MYD88: variants seen among roughly 807,000 people sequenced by gnomAD.
The protein encoded by MYD88 is myeloid differentiation primary response protein MyD88.
A neutral mutation model predicts 31.1 loss-of-function variants in MYD88; 15 were observed. The observed-to-expected ratio is 0.48, with a 90% confidence interval of 0.32 to 0.74. MYD88 has a LOEUF of 0.74. MYD88 is among the 30% of genes least tolerant of loss of function. The probability of loss-of-function intolerance (pLI) is 0.03; values close to 1 mark genes in which losing one functional copy is unlikely to be tolerated. For missense variants in MYD88, 308 were observed against 387.4 expected, an observed-to-expected ratio of 0.79 and a Z score of 1.72; for synonymous variants, 157 against 158.8, an observed-to-expected ratio of 0.99 and a Z score of 0.08.
chr3:38,140,561 GAA>G lies in MYD88; in HGVS notation c.640_641del (p.Lys214GlufsTer11), dbSNP rs747962363. 1 of 1,614,196 alleles carries G rather than the reference GAA, an allele frequency of 6.2e-7. No homozygotes were observed. The highest frequency in any genetic ancestry group is 1.1e-5 in the South Asian group (1 of 91,080). On this transcript the variant is annotated frameshift_variant, in exon 3 of 5. Transcript: ENST00000650905. LOFTEE classifies it high-confidence loss of function. ...CVWSIASELI[E>X]KRCRRMVVVV... ...CTGGTCTATTGCTAGTGAGCTCATC[GAA>G]AAGAGGTTGGCTAGAAGGCCACGGG... is the stretch of plus-strand genomic sequence containing the variant.
In MYD88 at chr3:38,138,847, G is replaced by A. The variant is rs555917864; in HGVS notation, c.147G>A (p.Ala49=). 9.9e-6 allele frequency: 16 copies of A among 1,613,706 alleles called. No homozygotes were observed. Among genetic ancestry groups the A allele is most frequent in the Non-Finnish European group, 1.4e-5 (16 of 1,180,032 alleles). The change falls in exon 1 of 5, where the codon GCG becomes GCA. Residue 49 remains alanine, a synonymous_variant. Transcript: ENST00000650905. The surrounding 1 kb of genome is among the most constrained non-coding windows in gnomAD (Gnocchi z 6.4). ...CACAGGTGGCGGCCGACTGGACCGCGCTGGCGGAGGAGATGGACTTTGAGT... is the reference window on the plus strand; with the variant it reads ...CACAGGTGGCGGCCGACTGGACCGCACTGGCGGAGGAGATGGACTTTGAGT... ...VRTQVAADWT[A]LAEEMDFEYL...
chr3:38,141,599 T>G lies in MYD88; in HGVS notation c.*313T>G. 4.1e-6 allele frequency: 2 copies of G among 482,352 alleles called. No individual in the cohort carries two copies. Among genetic ancestry groups the G allele is most frequent in the Non-Finnish European group, 7.7e-6 (2 of 260,870 alleles). 29.9% of individuals were successfully genotyped at this position (482,352 alleles called of 1,614,324 possible). On this transcript the variant is annotated 3_prime_UTR_variant, in exon 5 of 5. Coordinates refer to ENST00000650905, the MANE Select transcript of MYD88 (RefSeq NM_002468.5). The stretch of plus-strand genomic sequence containing the variant: ...CCATTCACACATCTTCACCCTCAGT[T>G]TCCTCACTTGAGGAGTGGGATGGGG...
chr3:38,140,625 C>T, intron 3 of MYD88, 57 bp downstream of exon 3: 1 of 1,609,220 alleles, frequency 6.2e-7, no homozygotes, highest in Non-Finnish European at 8.5e-7. Context: ...GCCCTGGGGT[C>T]CAGATACTGG....
chr3:38,139,020 C>T lies in MYD88; in HGVS notation c.320C>T (p.Pro107Leu), dbSNP rs747227684. The T allele has an allele frequency of 2.5e-6, 4 of 1,603,810 alleles. No individual in the cohort carries two copies. The highest frequency in any genetic ancestry group is 3.4e-6 in the Non-Finnish European group (4 of 1,179,682). Residue 107 changes from proline to leucine, a missense_variant, in exon 1 of 5, where the codon CCC becomes CTC. Pro to Leu is a moderately conservative substitution (Grantham distance 98, BLOSUM62 -3). Transcript: ENST00000650905. The surrounding 1 kb of genome is among the most constrained non-coding windows in gnomAD (Gnocchi z 4.7). ...GACGACGTGCTGCTGGAGCTGGGAC[C>T]CAGCATTGGTGAGGACGTCCCCTTC... ...GRDDVLLELG[P>L]SIEEDCQKYI...
Position 38,142,166 on chromosome 3 carries a change from C to T in MYD88, c.*880C>T, listed in dbSNP as rs1225093712. ...CAGGGAGCCTTCCTCCCTGGGCCAC[C>T]TGCAGAGAGCTTTCCCACCAACTTT... On this transcript the variant is annotated 3_prime_UTR_variant, in exon 5 of 5. Transcript: ENST00000650905. The T allele has an allele frequency of 4.3e-6, 1 of 233,210 alleles. No individual in the cohort carries two copies. Among genetic ancestry groups the T allele is most frequent in the Non-Finnish European group, 8.5e-6 (1 of 118,084 alleles). The allele number at this position is 233,210 out of a possible 1,614,324, so 14.4% of individuals were successfully genotyped here. A position where few individuals can be genotyped will look rare whatever the true frequency, so the allele number is the denominator to read the frequency against.
rs1163841718 is a variant in MYD88, at chr3:38,142,273, T to C, written c.*987T>C. On this transcript the variant is annotated 3_prime_UTR_variant, in exon 5 of 5. Transcript: ENST00000650905. Reference sequence around the variant, plus strand: ...TCCTGCCCCAAAGCTTGTGGGCACATGGGCACATACAGACTCACATACAGA... The same window carrying C: ...TCCTGCCCCAAAGCTTGTGGGCACACGGGCACATACAGACTCACATACAGA... 1 of 233,182 alleles carries C rather than the reference T, an allele frequency of 4.3e-6. No individual in the cohort carries two copies. The highest frequency in any genetic ancestry group is 8.5e-6 in the Non-Finnish European group (1 of 118,090). 14.4% of individuals were successfully genotyped at this position (233,182 alleles called of 1,614,324 possible). A position where few individuals can be genotyped will look rare whatever the true frequency, so the allele number is the denominator to read the frequency against.
At chr3:38,140,246 C>A in intron 2 of MYD88, 142 bp from the exon 3 acceptor site, 2 of 1,067,680 alleles carry the variant, frequency 1.9e-6, no homozygotes, top group Non-Finnish European at 2.8e-6. Flanking sequence ...TCTTTCCTCT[C>A]CTGGAAAGGG....
rs764428425 is a variant in MYD88, at chr3:38,140,451, A to G, written c.527A>G (p.Gln176Arg). Residue 176 changes from glutamine (Q) to arginine (R), a missense_variant, in exon 3 of 5, where the codon CAG (glutamine) becomes CGG (arginine). Physicochemically the swap from Gln to Arg is conservative, Grantham distance 43. Coordinates refer to ENST00000650905, the MANE Select transcript of MYD88 (RefSeq NM_002468.5). ...CYCPSDIQFVQEMIRQLEQTN... is the reference protein window; with the variant it reads ...CYCPSDIQFVREMIRQLEQTN... Reference sequence around the variant, plus strand: ...TGCCCCAGCGACATCCAGTTTGTGCAGGAGATGATCCGGCAACTGGAACAG... The same window carrying G: ...TGCCCCAGCGACATCCAGTTTGTGCGGGAGATGATCCGGCAACTGGAACAG... 1.9e-6 allele frequency: 3 copies of G among 1,614,248 alleles called. No individual in the cohort carries two copies. The highest frequency in any genetic ancestry group is 2.5e-6 in the Non-Finnish European group (3 of 1,180,030).
rs375980765 is a variant in MYD88 at position 38,139,167 on chromosome 3, C to T, written c.328+139C>T. On this transcript the variant is annotated intron_variant, in intron 1 of 4. Transcript: ENST00000650905. The surrounding 1 kb of genome is among the most constrained non-coding windows in gnomAD (Gnocchi z 4.7). Reference sequence around the variant, plus strand: ...AGAAGCCTGCAGAGGGAGAACCATGCGGGTCCCGTTCCTTCTTAATAACCG... The same window carrying T: ...AGAAGCCTGCAGAGGGAGAACCATGTGGGTCCCGTTCCTTCTTAATAACCG... The T allele has an allele frequency of 2.5e-6, 3 of 1,184,268 alleles. No homozygotes were observed. Among genetic ancestry groups the T allele is most frequent in the East Asian group, 2.6e-5 (1 of 38,874 alleles). The allele number at this position is 1,184,268 out of a possible 1,614,324, so 73.4% of individuals were successfully genotyped here. A position where few individuals can be genotyped will look rare whatever the true frequency, so the allele number is the denominator to read the frequency against.
In MYD88 at chr3:38,139,777, G is replaced by A. The variant is rs1043109738; in HGVS notation, c.329-87G>A. 4 of 1,565,368 alleles carry A rather than the reference G, an allele frequency of 2.6e-6. No individual in the cohort carries two copies. Among genetic ancestry groups the A allele is most frequent in the Non-Finnish European group, 3.5e-6 (4 of 1,147,900 alleles). ...AGCCCTCTAGAACAACCCAGCCAGA[G>A]GAGGTGGGACAGCGGCTGGATCCTG... On this transcript the variant is annotated intron_variant, in intron 1 of 4. Coordinates refer to ENST00000650905, the MANE Select transcript of MYD88 (RefSeq NM_002468.5). The surrounding 1 kb of genome is among the most constrained non-coding windows in gnomAD (Gnocchi z 4.7).
chr3:38,142,848 C>T lies in MYD88; in HGVS notation c.*1562C>T, dbSNP rs990172761. 4.3e-6 allele frequency: 1 copy of T among 233,264 alleles called. No individual in the cohort carries two copies. The highest frequency in any genetic ancestry group is 8.5e-6 in the Non-Finnish European group (1 of 118,060). The allele number at this position is 233,264 out of a possible 1,614,324, so 14.4% of individuals were successfully genotyped here. A position where few individuals can be genotyped will look rare whatever the true frequency, so the allele number is the denominator to read the frequency against. On this transcript the variant is annotated 3_prime_UTR_variant, in exon 5 of 5. Coordinates refer to ENST00000650905, the MANE Select transcript of MYD88 (RefSeq NM_002468.5). The stretch of plus-strand genomic sequence containing the variant: ...CATTTAGCTGCCATGCACCTGTCCC[C>T]CTTTAATACTGGGCATTTTAAAGCC...
In MYD88 at chr3:38,139,480, T is replaced by C; in HGVS notation, c.329-384T>C. 5.0e-6 allele frequency: 2 copies of C among 402,886 alleles called. No individual in the cohort carries two copies. Among genetic ancestry groups the C allele is most frequent in the South Asian group, 4.7e-5 (2 of 42,584 alleles). 25.0% of individuals were successfully genotyped at this position (402,886 alleles called of 1,614,324 possible). ...CCGCCCACAGACAGGCACACCTTGC[T>C]GAGTTGGAATCACTGCACCATAACC... is the stretch of plus-strand genomic sequence containing the variant. On this transcript the variant is annotated intron_variant, in intron 1 of 4. Coordinates refer to ENST00000650905, the MANE Select transcript of MYD88 (RefSeq NM_002468.5). This position sits in a 1 kb window ranked among gnomAD's most constrained non-coding sequence, Gnocchi z 4.7.
Position 38,142,796 on chromosome 3 carries a change from G to A in MYD88, c.*1510G>A, listed in dbSNP as rs1701110600. On this transcript the variant is annotated 3_prime_UTR_variant, in exon 5 of 5. Coordinates refer to ENST00000650905, the MANE Select transcript of MYD88 (RefSeq NM_002468.5). ...CTTAGGATCTTGGGAGGGAATGGATGCCCCTCTCTGCATGATCTTGTTGAG... is the reference window on the plus strand; with the variant it reads ...CTTAGGATCTTGGGAGGGAATGGATACCCCTCTCTGCATGATCTTGTTGAG... 1.3e-5 allele frequency: 3 copies of A among 233,254 alleles called. No homozygotes were observed. The South Asian group carries it at 5.4e-4, about 42-fold the overall frequency. The allele number at this position is 233,254 out of a possible 1,614,324, so 14.4% of individuals were successfully genotyped here.
chr3:38,139,363 C>A lies in MYD88; in HGVS notation c.328+335C>A. 2 of 461,166 alleles carry A rather than the reference C, an allele frequency of 4.3e-6. No homozygotes were observed. The highest frequency in any genetic ancestry group is 5.2e-5 in the South Asian group (2 of 38,166). 28.6% of individuals were successfully genotyped at this position (461,166 alleles called of 1,614,324 possible). On this transcript the variant is annotated intron_variant, in intron 1 of 4. Transcript: ENST00000650905. The surrounding 1 kb of genome is among the most constrained non-coding windows in gnomAD (Gnocchi z 4.7). ...GACAGGTGGGGCGATTGACAGTGGA[C>A]TGTCTTAGAAACCTCAAGTCCTGGG...
chr3:38,139,753 GC>G lies in MYD88; in HGVS notation c.329-108del. On this transcript the variant is annotated intron_variant, in intron 1 of 4. Transcript: ENST00000650905. This position sits in a 1 kb window ranked among gnomAD's most constrained non-coding sequence, Gnocchi z 4.7. ...CGCGTGGCACCAGTGAACTGGGGAAGCCCTCTAGAACAACCCAGCCAGAGGA... is the reference window on the plus strand; with the variant it reads ...CGCGTGGCACCAGTGAACTGGGGAAGCCTCTAGAACAACCCAGCCAGAGGA... 1 of 1,416,196 alleles carries G rather than the reference GC, an allele frequency of 7.1e-7. No homozygotes were observed. Among genetic ancestry groups the G allele is most frequent in the Non-Finnish European group, 9.8e-7 (1 of 1,022,862 alleles). The allele number at this position is 1,416,196 out of a possible 1,614,324, so 87.7% of individuals were successfully genotyped here.
chr3:38,140,987 CATGT>C (rs1701065812), intron 4 of MYD88, 139 bp downstream of exon 4: 1 of 1,342,460 alleles, frequency 7.4e-7, no homozygotes, highest in African/African-American at 1.4e-5. Flanking sequence ...AGCATGTGTG[CATGT>C]GTGTGCCTTT....
intron 4 of MYD88, 22 bp downstream of exon 4, chr3:38,140,870 C>A (rs555763301): frequency 6.2e-7 from 1 of 1,606,114 alleles, no homozygotes; most frequent in East Asian, 2.2e-5. Context: ...CCTGCTCTGG[C>A]AAGAGAATGA....
Position 38,142,997 on chromosome 3 carries a change from T to C in MYD88, c.*1711T>C. The C allele has an allele frequency of 4.3e-6, 1 of 232,546 alleles. No homozygotes were observed. Among genetic ancestry groups the C allele is most frequent in the East Asian group, 6.1e-5 (1 of 16,474 alleles). The allele number at this position is 232,546 out of a possible 1,614,324, so 14.4% of individuals were successfully genotyped here. On this transcript the variant is annotated 3_prime_UTR_variant, in exon 5 of 5. Coordinates refer to ENST00000650905, the MANE Select transcript of MYD88 (RefSeq NM_002468.5). Reference sequence around the variant, plus strand: ...TATATCTTGCATCCTGAGTTTATAATAATAAATAATATTCTACCTTGGAAA... The same window carrying C: ...TATATCTTGCATCCTGAGTTTATAACAATAAATAATATTCTACCTTGGAAA...
Sources: gnomAD v4.1 joint callset for allele counts on GRCh38, gnomAD v4.1.1 for gene constraint, Gnocchi (gnomAD v3.1) non-coding constraint, MANE v1.5 for transcripts, NCBI Gene and HGNC (gene_info 2026-07-23, HGNC 2026-07-21) for gene names.